Variants in FYB1 observed in about 807,000 individuals in gnomAD.
FYB1 encodes the protein FYN-binding protein 1.
In FYB1, 41 loss-of-function variants were observed where a neutral mutation model predicts 94.1. The observed-to-expected ratio is 0.44, with a 90% CI of 0.34 to 0.57. The LOEUF (loss-of-function observed/expected upper bound fraction) is 0.57, where lower values mean the gene tolerates loss of function less well. Among genes scored for constraint, FYB1 ranks in the 20% least tolerant of loss-of-function variants. FYB1 has a pLI of 0.02. For missense variants in FYB1, 1,050 were observed against 976.8 expected (o/e 1.07, Z -1.00); for synonymous variants, 367 against 353.2 (o/e 1.04, Z -0.44).
intron 1 of FYB1, among the ~76,000 whole-genome samples, chr5:39,232,523 T>TTTTA (rs369384284): frequency 1.8e-4 from 27 of 150,770 alleles, no homozygotes; most frequent in African/African-American, 4.9e-4. Flanking sequence ...TAAACATTTA[T>TTTTA]TTTATTTATT....
chr5:39,268,409 T>A (rs1031638714), intron 1 of FYB1, among the ~76,000 whole-genome samples: 1 of 151,990 alleles, frequency 6.6e-6, no homozygotes, highest in Non-Finnish European at 1.5e-5. Flanking sequence ...TTTTTTTACT[T>A]TATTTTTTAT....
At chr5:39,243,683 C>A (rs1414385126) in intron 1 of FYB1, among the ~76,000 whole-genome samples, 1 of 152,132 alleles carries the variant, frequency 6.6e-6, no homozygotes, top group Non-Finnish European at 1.5e-5. Flanking sequence ...TGAAGAAAGT[C>A]ATTGGTAGCT....
intron 1 of FYB1, among the ~76,000 whole-genome samples, chr5:39,260,155 G>A (rs1285572300): frequency 1.3e-5 from 2 of 152,136 alleles, no homozygotes; most frequent in Non-Finnish European, 2.9e-5. Flanking sequence ...TAGGAAGGAG[G>A]AAATGATAGA....
At chr5:39,170,049 C>T (rs1296664255) in intron 2 of FYB1, 7 of 811,874 alleles carry the variant, frequency 8.6e-6, no homozygotes, top group South Asian at 1.3e-5. Context: ...GAGAGGCCTC[C>T]ACTGGTGTCC....
chr5:39,265,584 G>A (rs1220417468), intron 1 of FYB1, among the ~76,000 whole-genome samples: 1 of 152,140 alleles, frequency 6.6e-6, no homozygotes, highest in Admixed American at 6.5e-5. Flanking sequence ...TTGAACCTGG[G>A]AGGCGGAGGC....
Position 39,130,698 on chromosome 5 carries a change from A to C in FYB1, c.1818-86T>G, listed in dbSNP as rs914521414. On this transcript the variant is annotated intron_variant, in intron 9 of 18. Transcript: ENST00000512982. ...AAGTACATATCCTGATTAGTTATTC[A>C]AAAGAGAAATAACATTCCAGTCGAA... The C allele has an allele frequency of 1.4e-5, 15 of 1,061,082 alleles. No homozygotes were observed. In the African/African-American group the frequency reaches 2.4e-4, roughly 17 times the overall value. The allele number at this position is 1,061,082 out of a possible 1,614,324, so 65.7% of individuals were successfully genotyped here.
chr5:39,173,026 G>C (rs1203108920), intron 2 of FYB1, among the ~76,000 whole-genome samples: 3 of 152,146 alleles, frequency 2.0e-5, no homozygotes, highest in African/African-American at 7.2e-5. Flanking sequence ...GAGTCTCCAA[G>C]CTACTTTCCA....
chr5:39,136,957 G>A (rs1741724056), intron 7 of FYB1, among the ~76,000 whole-genome samples: 1 of 152,126 alleles, frequency 6.6e-6, no homozygotes, highest in Non-Finnish European at 1.5e-5. Flanking sequence ...ATCAAAGATG[G>A]TGTAGCCAGG....
At position 39,107,781 on chromosome 5, in the gene FYB1, A is replaced by G. The variant is rs382753; in HGVS notation, c.2468-316T>C. Among the ~76,000 whole-genome samples, 111,574 of 151,878 alleles carry G rather than the reference A, an allele frequency of 0.73. 41,436 individuals are homozygous for G. Among genetic ancestry groups the G allele is most frequent in the South Asian group, 0.82 (3,964 of 4,824 alleles). On this transcript the variant is annotated intron_variant, in intron 18 of 18. Coordinates refer to ENST00000512982, the MANE Select transcript of FYB1 (RefSeq NM_001465.6). ...TTGAAGATATTAAAGAGCAAGACTCATAAGTTTAAAAGACTAAAGGAAATC... is the reference window on the plus strand; with the variant it reads ...TTGAAGATATTAAAGAGCAAGACTCGTAAGTTTAAAAGACTAAAGGAAATC...
At chr5:39,190,768 T>TTGTGTG (rs3028815) in intron 2 of FYB1, among the ~76,000 whole-genome samples, 12,138 of 146,452 alleles carry the variant, frequency 0.083, 540 homozygotes, top group Middle Eastern at 0.12. Context: ...CCATGCTTAT[T>TTGTGTG]TGTGTGTGTG....
At chr5:39,222,453 G>T (rs928020723), upstream of FYB1, among the ~76,000 whole-genome samples, 1 of 152,184 alleles carries the variant, frequency 6.6e-6, no homozygotes, top group Non-Finnish European at 1.5e-5. Context: ...CCCACTAAAG[G>T]GAAGGTGAGC....
chr5:39,137,604 A>T lies in FYB1; in HGVS notation c.1511T>A (p.Phe504Tyr). 1 of 1,543,784 alleles carries T rather than the reference A, an allele frequency of 6.5e-7. No homozygotes were observed. The highest frequency in any genetic ancestry group is 8.7e-7 in the Non-Finnish European group (1 of 1,142,966). The change falls in exon 7 of 19, where the codon TTT becomes TAT. Residue 504 changes from phenylalanine to tyrosine, a missense_variant. Coordinates refer to ENST00000512982, the MANE Select transcript of FYB1 (RefSeq NM_001465.6). ...CATTAGCAAGCAAGCCCTTACTTTA[A>T]ATTTCTTCTTTATTTCTTGTTCTTT... Reference protein sequence around the residue: ...EKKEQEIKKKFKLTGPIQVIH... With the variant: ...EKKEQEIKKKYKLTGPIQVIH...
intron 13 of FYB1, among the ~76,000 whole-genome samples, chr5:39,122,788 T>A (rs1740253127): frequency 1.3e-5 from 2 of 152,274 alleles, no homozygotes; most frequent in African/African-American, 2.4e-5. Context: ...GAGATTCTTA[T>A]GGGATTTAGG....
intron 1 of FYB1, among the ~76,000 whole-genome samples, chr5:39,247,071 C>CATATATATGT (rs1491316200): frequency 9.9e-4 from 65 of 65,620 alleles, no homozygotes; most frequent in Non-Finnish European, 1.5e-3. Context: ...AATGCGTGTT[C>CATATATATGT]ATATATATAT....
At chr5:39,119,275 G>T (rs2150278989) in intron 15 of FYB1, among the ~76,000 whole-genome samples, 1 of 151,922 alleles carries the variant, frequency 6.6e-6, no homozygotes, top group Middle Eastern at 3.4e-3. Context: ...GCTAAATTTA[G>T]GTGATTATCA....
intron 4 of FYB1, 23 bp from the exon 5 acceptor site, chr5:39,139,275 T>C (rs1191666523): frequency 7.0e-7 from 1 of 1,427,606 alleles, no homozygotes; most frequent in Non-Finnish European, 9.5e-7. Flanking sequence ...AAAAATAAAA[T>C]TTAATACATT....
At chr5:39,270,926 ATGTGTGTGTG>A in intron 1 of FYB1, 1 of 166,066 alleles carries the variant, frequency 6.0e-6, no homozygotes, top group Non-Finnish European at 1.3e-5. Context: ...TTGGATACAT[ATGTGTGTGTG>A]TGTGTGTGTG....
At chr5:39,213,796 A>G (rs1246058173) in intron 1 of FYB1, among the ~76,000 whole-genome samples, 1 of 152,116 alleles carries the variant, frequency 6.6e-6, no homozygotes, top group African/African-American at 2.4e-5. Context: ...TTAGGGGCCC[A>G]GGACACCATT....
chr5:39,113,156 T>C (rs1189497802), intron 16 of FYB1, among the ~76,000 whole-genome samples: 2 of 151,944 alleles, frequency 1.3e-5, no homozygotes, highest in Non-Finnish European at 2.9e-5. Context: ...TTTTATATAA[T>C]CTCTCCATTA....
Sources: allele counts gnomAD v4.1 joint callset (sites outside exome capture counted in the v4.1 genomes callset), GRCh38; gene constraint gnomAD v4.1.1; transcripts MANE v1.5; gene names NCBI Gene and HGNC (gene_info 2026-07-23, HGNC 2026-07-21).